PLEKHA3: variants seen among roughly 807,000 people sequenced by gnomAD.
PLEKHA3 encodes the protein pleckstrin homology domain-containing family A member 3.
A neutral mutation model predicts 39.2 loss-of-function variants in PLEKHA3; 19 were observed. The observed-to-expected ratio is 0.48, with a 90% CI of 0.34 to 0.71. PLEKHA3 has a LOEUF of 0.71. PLEKHA3 is among the 30% of genes least tolerant of loss of function. PLEKHA3 has a pLI of 0.01. For missense variants in PLEKHA3, 253 were observed against 359.5 expected, an observed-to-expected ratio of 0.70 and a Z score of 2.40; for synonymous variants, 97 against 118.6, an observed-to-expected ratio of 0.82 and a Z score of 1.18.
rs1244705126 is a variant in PLEKHA3 at position 178,499,117 on chromosome 2, TTA to T, written c.616-92_616-91del. The T allele has an allele frequency of 2.4e-6, 3 of 1,243,992 alleles. No homozygotes were observed. In the African/African-American group the frequency reaches 4.6e-5, roughly 19 times the overall value. 77.1% of individuals were successfully genotyped at this position (1,243,992 alleles called of 1,614,324 possible). On this transcript the variant is annotated intron_variant, in intron 5 of 7. Transcript: ENST00000234453. ...CAGTTATCTTTTTCTCTGAGTAAAT[TTA>T]TGTTTATTATGATAATAGTAAATTA...
chr2:178,484,526 A>C (rs1575141672), intron 1 of PLEKHA3, among the ~76,000 whole-genome samples: 1 of 152,232 alleles, frequency 6.6e-6, no homozygotes, highest in Non-Finnish European at 1.5e-5. Context: ...TGTAAGGATG[A>C]CTGACCCATC....
At chr2:178,492,067 C>T (rs1348993829) in intron 3 of PLEKHA3, among the ~76,000 whole-genome samples, 3 of 152,122 alleles carry the variant, frequency 2.0e-5, no homozygotes, top group African/African-American at 4.8e-5. Context: ...TGGAAACAAA[C>T]GATATTCAAA....
At chr2:178,487,535 T>A (rs1685269711) in intron 2 of PLEKHA3, among the ~76,000 whole-genome samples, 1 of 152,080 alleles carries the variant, frequency 6.6e-6, no homozygotes, top group Non-Finnish European at 1.5e-5. Flanking sequence ...ACCTCCTGGG[T>A]TCAGGTGATC....
intron 4 of PLEKHA3, among the ~76,000 whole-genome samples, chr2:178,495,074 A>G (rs979198952): frequency 6.6e-6 from 1 of 152,190 alleles, no homozygotes; most frequent in Non-Finnish European, 1.5e-5. Context: ...CTATCAAGGA[A>G]GAAGTGGGAG....
At chr2:178,487,996 G>A (rs1685278989) in intron 2 of PLEKHA3, among the ~76,000 whole-genome samples, 1 of 151,922 alleles carries the variant, frequency 6.6e-6, no homozygotes, top group Non-Finnish European at 1.5e-5. Context: ...TCCTCTTGTC[G>A]GGAGTGTTAG....
At chr2:178,482,570 A>AAG (rs1490497562) in intron 1 of PLEKHA3, among the ~76,000 whole-genome samples, 1 of 151,604 alleles carries the variant, frequency 6.6e-6, no homozygotes, top group East Asian at 1.9e-4. Flanking sequence ...AAAAAAAAAA[A>AAG]AGACATTAGC....
rs184498483 is a variant in PLEKHA3, at chr2:178,513,932, A to G, written c.*10045A>G. ...ATTAGAACATTTCTGTTTATGCCCT[A>G]TTCCAGTGGTATTTGTGGTCGCTAG... On this transcript the variant is annotated 3_prime_UTR_variant, in exon 8 of 8. Coordinates refer to ENST00000234453, the MANE Select transcript of PLEKHA3 (RefSeq NM_019091.4). 3.3e-5 allele frequency: 5 copies of G among 152,280 alleles called. No homozygotes were observed. The East Asian group carries it at 5.8e-4, about 18-fold the overall frequency. The allele number at this position is 152,280 out of a possible 1,614,324, so 9.4% of individuals were successfully genotyped here. A position where few individuals can be genotyped will look rare whatever the true frequency, so the allele number is the denominator to read the frequency against.
At position 178,507,536 on chromosome 2, in the gene PLEKHA3, T is replaced by A. The variant is rs1685622268; in HGVS notation, c.*3649T>A. 6.6e-6 allele frequency: 1 copy of A among 152,220 alleles called. No homozygotes were observed. Among genetic ancestry groups the A allele is most frequent in the Non-Finnish European group, 1.5e-5 (1 of 67,992 alleles). The allele number at this position is 152,220 out of a possible 1,614,324, so 9.4% of individuals were successfully genotyped here. The stretch of plus-strand genomic sequence containing the variant: ...AAAAGTTTTTAAAAATATTTTGTCA[T>A]CCTTTAGGGACATTTCTTCCACAGT... On this transcript the variant is annotated 3_prime_UTR_variant, in exon 8 of 8. Transcript: ENST00000234453.
Position 178,514,818 on chromosome 2 carries a change from G to C in PLEKHA3, c.*10931G>C, listed in dbSNP as rs1434410590. 6.6e-6 allele frequency: 1 copy of C among 151,890 alleles called. No homozygotes were observed. The highest frequency in any genetic ancestry group is 2.1e-4 in the South Asian group (1 of 4,830). The allele number at this position is 151,890 out of a possible 1,614,324, so 9.4% of individuals were successfully genotyped here. On this transcript the variant is annotated 3_prime_UTR_variant, in exon 8 of 8. Coordinates refer to ENST00000234453, the MANE Select transcript of PLEKHA3 (RefSeq NM_019091.4). ...AGAGTTTGAATTCATTTGTGGTTTTGCTTTAGTGGCAAACCTCCTTACAGG... is the reference window on the plus strand; with the variant it reads ...AGAGTTTGAATTCATTTGTGGTTTTCCTTTAGTGGCAAACCTCCTTACAGG...
At chr2:178,499,512 T>A (rs954630790) in intron 6 of PLEKHA3, among the ~76,000 whole-genome samples, 1 of 152,148 alleles carries the variant, frequency 6.6e-6, no homozygotes, top group African/African-American at 2.4e-5. Context: ...CTTTTTTAGA[T>A]GTTTGAAATG....
intron 3 of PLEKHA3, 26 bp from the exon 4 acceptor site, chr2:178,493,827 T>C: frequency 6.3e-7 from 1 of 1,583,918 alleles, no homozygotes; most frequent in Non-Finnish European, 8.6e-7. Context: ...ATGATCTAAC[T>C]GTATATTTAT....
intron 5 of PLEKHA3, 47 bp from the exon 6 acceptor site, chr2:178,499,164 G>T: frequency 6.5e-7 from 1 of 1,533,462 alleles, no homozygotes; most frequent in Non-Finnish European, 8.9e-7. Flanking sequence ...GATTCTACTT[G>T]ACATATGGAT....
chr2:178,502,792 T>TCA (rs777323160), intron 7 of PLEKHA3, among the ~76,000 whole-genome samples: 47 of 144,688 alleles, frequency 3.2e-4, no homozygotes, highest in South Asian at 1.3e-3. Context: ...AAAACTAGTC[T>TCA]CACACACACA....
chr2:178,485,512 A>C, intron 1 of PLEKHA3, 129 bp from the exon 2 acceptor site: 1 of 686,090 alleles, frequency 1.5e-6, no homozygotes, highest in Non-Finnish European at 2.6e-6. Flanking sequence ...GGTGATTGAA[A>C]ATTTCATTAT....
intron 3 of PLEKHA3, among the ~76,000 whole-genome samples, chr2:178,492,700 A>G (rs771249904): frequency 1.5e-4 from 23 of 151,906 alleles, no homozygotes; most frequent in Non-Finnish European, 2.8e-4. Context: ...TACCCAGGGC[A>G]GTCATACTTA....
intron 2 of PLEKHA3, 150 bp from the exon 3 acceptor site, chr2:178,490,509 C>A: frequency 1.4e-6 from 1 of 703,744 alleles, no homozygotes; most frequent in Non-Finnish European, 2.2e-6. Flanking sequence ...ACTGGGTGGC[C>A]CCTCAGGGAG....
At position 178,507,735 on chromosome 2, in the gene PLEKHA3, A is replaced by G. The variant is rs969475272; in HGVS notation, c.*3848A>G. 3 of 132,378 alleles carry G rather than the reference A, an allele frequency of 2.3e-5. No homozygotes were observed. Among genetic ancestry groups the G allele is most frequent in the East Asian group, 4.2e-4 (2 of 4,756 alleles). 8.2% of individuals were successfully genotyped at this position (132,378 alleles called of 1,614,324 possible). On this transcript the variant is annotated 3_prime_UTR_variant, in exon 8 of 8. Transcript: ENST00000234453. ...CCAGTAACTTCCTAAGAAAAGGTGC[A>G]TAGAAAGTAAAGATTTTAAGGCTTT... is the stretch of plus-strand genomic sequence containing the variant.
intron 1 of PLEKHA3, among the ~76,000 whole-genome samples, chr2:178,481,608 C>T (rs368495457): frequency 6.6e-6 from 1 of 152,138 alleles, no homozygotes; most frequent in African/African-American, 2.4e-5. Flanking sequence ...GGCCCCTTAC[C>T]ATGACATTGG....
chr2:178,485,123 C>T (rs562206671), intron 1 of PLEKHA3, among the ~76,000 whole-genome samples: 4 of 152,322 alleles, frequency 2.6e-5, no homozygotes, highest in African/African-American at 9.6e-5. Flanking sequence ...GGCTAGGTGG[C>T]ACCTGAGAGG....
Sources: allele counts gnomAD v4.1 joint callset (sites outside exome capture counted in the v4.1 genomes callset), GRCh38; gene constraint gnomAD v4.1.1; transcripts MANE v1.5; gene names NCBI Gene and HGNC (gene_info 2026-07-23, HGNC 2026-07-21).